BMPR2: variants seen among roughly 807,000 people sequenced by gnomAD.
BMPR2 encodes the protein bone morphogenetic protein receptor type 2.
A neutral mutation model predicts 100.8 loss-of-function variants in BMPR2; 29 were observed. That is an observed-to-expected ratio of 0.29 (90% CI 0.21 to 0.39). The LOEUF (loss-of-function observed/expected upper bound fraction) is 0.39. Among genes scored for constraint, BMPR2 ranks in the 10% least tolerant of loss-of-function variants. The pLI is 1.00. For synonymous variants in BMPR2, 382 were observed against 442.3 expected (o/e 0.86, Z 1.71); for missense variants, 1,011 against 1,274.5 (o/e 0.79, Z 3.15).
chr2:202,513,867 C>T, intron 4 of BMPR2, 38 bp downstream of exon 4: 3 of 1,443,010 alleles, frequency 2.1e-6, no homozygotes, highest in Non-Finnish European at 2.9e-6. Context: ...GTTTATTAAA[C>T]ATGCAATTTA....
At chr2:202,457,565 G>T (rs1547576) in intron 1 of BMPR2, among the ~76,000 whole-genome samples, 22,678 of 81,194 alleles carry the variant, frequency 0.28, 1,999 homozygotes, top group Non-Finnish European at 0.32. Flanking sequence ...TATATATAGA[G>T]AGAGAGAGAG....
At chr2:202,443,596 G>T (rs185490902) in intron 1 of BMPR2, among the ~76,000 whole-genome samples, 3 of 146,696 alleles carry the variant, frequency 2.0e-5, no homozygotes, top group Admixed American at 1.4e-4. Context: ...CGGAGTCTTG[G>T]TCTGTCACCC....
intron 1 of BMPR2, among the ~76,000 whole-genome samples, chr2:202,397,977 C>A (rs1334272482): frequency 6.6e-6 from 1 of 151,770 alleles, no homozygotes; most frequent in Non-Finnish European, 1.5e-5. Flanking sequence ...AAAAAATTAG[C>A]CAGGCACGGT....
chr2:202,408,708 T>C lies in BMPR2; in HGVS notation c.76+31158T>C, dbSNP rs747474706. Among the ~76,000 whole-genome samples the C allele has an allele frequency of 1.2e-4, 19 of 152,292 alleles. No individual in the cohort carries two copies. The Middle Eastern group carries it at 0.01, about 82-fold the overall frequency. ...AGGCACTGTAATCAGTCTTCTATCT[T>C]TGAGATTTGAAAGAAGCAGGAAATA... On this transcript the variant is annotated intron_variant, in intron 1 of 12. Transcript: ENST00000374580.
In BMPR2 at chr2:202,438,308, C is replaced by T. The variant is rs976784632; in HGVS notation, c.77-26501C>T. Among the ~76,000 whole-genome samples the T allele has an allele frequency of 3.3e-5, 5 of 150,268 alleles. No homozygotes were observed. The East Asian group carries it at 9.7e-4, about 29-fold the overall frequency. Reference sequence around the variant, plus strand: ...AGCCTGGGCAACAAGAGCGAAACTCCGTCTCAAATAAATAAATAAATAAAT... The same window carrying T: ...AGCCTGGGCAACAAGAGCGAAACTCTGTCTCAAATAAATAAATAAATAAAT... On this transcript the variant is annotated intron_variant, in intron 1 of 12. Coordinates refer to ENST00000374580, the MANE Select transcript of BMPR2 (RefSeq NM_001204.7).
intron 1 of BMPR2, among the ~76,000 whole-genome samples, chr2:202,434,482 G>A (rs1306387242): frequency 2.0e-5 from 3 of 150,320 alleles, no homozygotes; most frequent in Non-Finnish European, 2.9e-5. Flanking sequence ...GGAGAAATTT[G>A]TTAAAGAGTC....
Position 202,485,545 on chromosome 2 carries a change from CTTTT to C in BMPR2, c.418+17872_418+17875del, listed in dbSNP as rs762096820. On this transcript the variant is annotated intron_variant, in intron 3 of 12. Transcript: ENST00000374580. ...GTCTCAAATCTCCCTTTGCCTTTATCTTTTTTTTTTTTTTTTTTTGAGACAGAGT... is the reference window on the plus strand; with the variant it reads ...GTCTCAAATCTCCCTTTGCCTTTATCTTTTTTTTTTTTTTTGAGACAGAGT... 7.8e-5 allele frequency among the ~76,000 whole-genome samples: 5 copies of C among 64,010 alleles called. No homozygotes were observed. In the Admixed American group the frequency reaches 9.3e-4, roughly 12 times the overall value. 42.0% of individuals were successfully genotyped at this position (64,010 alleles called of 152,430 possible). A position where few individuals can be genotyped will look rare whatever the true frequency, so the allele number is the denominator to read the frequency against.
intron 1 of BMPR2, among the ~76,000 whole-genome samples, chr2:202,398,035 G>C (rs912158934): frequency 2.0e-5 from 3 of 151,110 alleles, no homozygotes; most frequent in Admixed American, 2.0e-4. Flanking sequence ...GCATGCTCCT[G>C]AGATTGGAGA....
rs1374584904 is a variant in BMPR2 at position 202,555,834 on chromosome 2, C to A, written c.2169C>A (p.Phe723Leu). 6.2e-7 allele frequency: 1 copy of A among 1,613,988 alleles called. No homozygotes were observed. The highest frequency in any genetic ancestry group is 1.3e-5 in the African/African-American group (1 of 74,904). ...TAGAAGCAACTGGACAGCAGGACTT[C>A]ACACAGACTGCAAATGGCCAAGCAT... Reference protein sequence around the residue: ...LAVEATGQQDFTQTANGQACL... With the variant: ...LAVEATGQQDLTQTANGQACL... The change falls in exon 12 of 13, where the codon TTC becomes TTA. Residue 723 changes from phenylalanine (F) to leucine (L), a missense_variant. By Grantham distance (22) the Phe-to-Leu change is conservative. Around this residue, in one of 6 missense-constraint regions of BMPR2, gnomAD observed 508 missense variants for 552.0 expected, o/e 0.92. Coordinates refer to ENST00000374580, the MANE Select transcript of BMPR2 (RefSeq NM_001204.7).
chr2:202,522,646 A>C (rs1018361699), intron 7 of BMPR2, among the ~76,000 whole-genome samples: 2 of 152,112 alleles, frequency 1.3e-5, no homozygotes, highest in African/African-American at 4.8e-5. Context: ...CCTAGACAAC[A>C]TAGTCAGACC....
At chr2:202,449,845 C>T (rs906482877) in intron 1 of BMPR2, among the ~76,000 whole-genome samples, 1 of 152,024 alleles carries the variant, frequency 6.6e-6, no homozygotes, top group African/African-American at 2.4e-5. Context: ...CGCCTGTAAT[C>T]CCAACACTTT....
intron 1 of BMPR2, among the ~76,000 whole-genome samples, chr2:202,421,689 G>A (rs1336770422): frequency 6.8e-6 from 1 of 147,686 alleles, no homozygotes; most frequent in Non-Finnish European, 1.5e-5. Context: ...AATGGAACTA[G>A]ACTTTAACTG....
At chr2:202,550,620 C>T (rs938429233) in intron 10 of BMPR2, among the ~76,000 whole-genome samples, 5 of 151,990 alleles carry the variant, frequency 3.3e-5, no homozygotes, top group East Asian at 1.9e-4. Context: ...TTTGGGAGAC[C>T]GAGGCAGAAG....
Position 202,407,499 on chromosome 2 carries a change from G to A in BMPR2, c.76+29949G>A, listed in dbSNP as rs185406902. Reference sequence around the variant, plus strand: ...TTAATAATACTGTATTTGGCTGGGCGTGGTCGCTCACGCCTGTAATCCCAG... The same window carrying A: ...TTAATAATACTGTATTTGGCTGGGCATGGTCGCTCACGCCTGTAATCCCAG... On this transcript the variant is annotated intron_variant, in intron 1 of 12. Coordinates refer to ENST00000374580, the MANE Select transcript of BMPR2 (RefSeq NM_001204.7). Among the ~76,000 whole-genome samples the A allele has an allele frequency of 4.5e-3, 683 of 152,164 alleles. 7 individuals are homozygous for A. The highest frequency in any genetic ancestry group is 0.015 in the African/African-American group (641 of 41,520).
chr2:202,515,465 G>T (rs1330997774), intron 5 of BMPR2, among the ~76,000 whole-genome samples: 1 of 151,878 alleles, frequency 6.6e-6, no homozygotes, highest in African/African-American at 2.4e-5. Flanking sequence ...CAGCTACTCA[G>T]GAGGCTGAGG....
intron 1 of BMPR2, among the ~76,000 whole-genome samples, chr2:202,399,417 G>A (rs1690716584): frequency 6.6e-6 from 1 of 152,210 alleles, no homozygotes; most frequent in Non-Finnish European, 1.5e-5. Context: ...AGCTTGTTGT[G>A]GCTCGAATGT....
At chr2:202,460,345 TTCTACA>T (rs1251076864) in intron 1 of BMPR2, among the ~76,000 whole-genome samples, 4 of 152,144 alleles carry the variant, frequency 2.6e-5, no homozygotes, top group Admixed American at 2.6e-4. Context: ...TAAAGGTTGA[TTCTACA>T]TCTGAAAATT....
At chr2:202,402,122 T>C (rs1026517921) in intron 1 of BMPR2, among the ~76,000 whole-genome samples, 8 of 152,126 alleles carry the variant, frequency 5.3e-5, no homozygotes, top group African/African-American at 1.9e-4. Flanking sequence ...AGAGGAGCAG[T>C]TGGGGAAGGG....
intron 3 of BMPR2, chr2:202,505,341 CTTTTTTTTTTTTT>C (rs534785312): frequency 8.8e-6 from 1 of 113,112 alleles, no homozygotes; most frequent in African/African-American, 3.4e-5. Context: ...TTAGGAGCAG[CTTTTTTTTTTTTT>C]TTTTTTTTAA....
Sources: allele counts gnomAD v4.1 joint callset (sites outside exome capture counted in the v4.1 genomes callset), GRCh38; gene constraint gnomAD v4.1.1; regional missense constraint gnomAD v4.1.1; transcripts MANE v1.5; gene names NCBI Gene and HGNC (gene_info 2026-07-23, HGNC 2026-07-21).